Variants in ENTREP2 observed in about 807,000 individuals in gnomAD.
ENTREP2 encodes protein ENTREP2.
the ENTREP2 span, chr15:29,375,207 G>A: frequency 6.6e-6 from 1 of 152,142 alleles, no homozygotes; most frequent in African/African-American, 2.4e-5. Context: ...AAACTCTTCT[G>A]CATGCTGTAT....
At chr15:29,506,006 G>T in the ENTREP2 span, among the ~76,000 whole-genome samples, 1 of 152,034 alleles carries the variant, frequency 6.6e-6, no homozygotes, top group Non-Finnish European at 1.5e-5. Context: ...AGGACGCTAA[G>T]AGCCTTGAAA....
chr15:29,335,044 GC>G, the ENTREP2 span, among the ~76,000 whole-genome samples: 1 of 152,164 alleles, frequency 6.6e-6, no homozygotes, highest in Non-Finnish European at 1.5e-5. Context: ...CAAACGTATG[GC>G]CCCAGCACAG....
the ENTREP2 span, among the ~76,000 whole-genome samples, chr15:29,321,941 A>G: frequency 6.6e-6 from 1 of 151,972 alleles, no homozygotes; most frequent in Non-Finnish European, 1.5e-5. Flanking sequence ...TACCCATGTA[A>G]CCAACCTGCA....
the ENTREP2 span, among the ~76,000 whole-genome samples, chr15:29,587,866 C>T: frequency 1.3e-5 from 2 of 152,194 alleles, no homozygotes; most frequent in Admixed American, 6.5e-5. Flanking sequence ...ACCATGTTGG[C>T]CAGGCTGGTC....
chr15:29,311,539 A>C, the ENTREP2 span, among the ~76,000 whole-genome samples: 1 of 152,152 alleles, frequency 6.6e-6, no homozygotes, highest in Non-Finnish European at 1.5e-5. Flanking sequence ...AAAATACAAA[A>C]ATTAGCAGGG....
At chr15:29,292,752 A>C in the ENTREP2 span, among the ~76,000 whole-genome samples, 1 of 152,174 alleles carries the variant, frequency 6.6e-6, no homozygotes, top group African/African-American at 2.4e-5. Flanking sequence ...GGCTTGGAAA[A>C]TTTATAAGGT....
the ENTREP2 span, among the ~76,000 whole-genome samples, chr15:29,423,516 G>T: frequency 6.6e-6 from 1 of 152,002 alleles, no homozygotes; most frequent in Non-Finnish European, 1.5e-5. Flanking sequence ...GGGCCGGCGC[G>T]GTGGCTCACG....
chr15:29,215,332 A>G, the ENTREP2 span, among the ~76,000 whole-genome samples: 2 of 151,916 alleles, frequency 1.3e-5, no homozygotes, highest in South Asian at 2.1e-4. Flanking sequence ...CCTGGGTGGG[A>G]ACACTCTAAT....
At chr15:29,648,327 T>A in the ENTREP2 span, among the ~76,000 whole-genome samples, 2 of 152,188 alleles carry the variant, frequency 1.3e-5, no homozygotes, top group African/African-American at 2.4e-5. Context: ...TGTCGCACCA[T>A]TAACTCCATG....
chr15:29,414,517 T>C, the ENTREP2 span, among the ~76,000 whole-genome samples: 1 of 152,128 alleles, frequency 6.6e-6, no homozygotes, highest in Non-Finnish European at 1.5e-5. Flanking sequence ...GAGGGAAATT[T>C]ATAGCACTAA....
the ENTREP2 span, among the ~76,000 whole-genome samples, chr15:29,362,200 A>G: frequency 6.6e-6 from 1 of 152,084 alleles, no homozygotes; most frequent in Non-Finnish European, 1.5e-5. Flanking sequence ...AGACAGGGCT[A>G]TGAGAATAAC....
the ENTREP2 span, among the ~76,000 whole-genome samples, chr15:29,321,313 C>T: frequency 6.6e-6 from 1 of 151,972 alleles, no homozygotes; most frequent in African/African-American, 2.4e-5. Context: ...AAGAAGAAAT[C>T]CCACCAACCT....
chr15:29,492,505 A>G, the ENTREP2 span, among the ~76,000 whole-genome samples: 11 of 152,328 alleles, frequency 7.2e-5, no homozygotes, highest in Admixed American at 3.9e-4. Context: ...ATTGTGTTCT[A>G]TAAAACTCTA....
At chr15:29,526,009 A>C in the ENTREP2 span, among the ~76,000 whole-genome samples, 1 of 152,252 alleles carries the variant, frequency 6.6e-6, no homozygotes, top group Non-Finnish European at 1.5e-5. Context: ...AGAATGAGCT[A>C]ATCAATTCTG....
the ENTREP2 span, chr15:29,195,489 A>T: frequency 5.7e-6 from 1 of 175,472 alleles, no homozygotes; most frequent in East Asian, 1.9e-4. Context: ...ACCAACTAAG[A>T]GTTCCTTGGA....
the ENTREP2 span, among the ~76,000 whole-genome samples, chr15:29,348,418 C>T: frequency 2.6e-5 from 4 of 152,086 alleles, no homozygotes; most frequent in Admixed American, 6.6e-5. Context: ...GCTGCAGCTA[C>T]GTGAGGAACA....
the ENTREP2 span, among the ~76,000 whole-genome samples, chr15:29,523,160 A>G: frequency 3.9e-5 from 6 of 152,336 alleles, no homozygotes; most frequent in African/African-American, 1.4e-4. Flanking sequence ...TGCCTGGCTG[A>G]GTAGTAAAGT....
chr15:29,119,940 T>C, the ENTREP2 span, among the ~76,000 whole-genome samples: 3 of 152,318 alleles, frequency 2.0e-5, no homozygotes, highest in East Asian at 5.8e-4. Flanking sequence ...TACACATCTT[T>C]AAAAAACCTG....
the ENTREP2 span, among the ~76,000 whole-genome samples, chr15:29,447,590 GAGT>G: frequency 6.6e-6 from 1 of 151,704 alleles, no homozygotes; most frequent in South Asian, 2.1e-4. Context: ...TCAGCCTCCT[GAGT>G]AGCTGGGACT....
Sources: gnomAD v4.1 joint callset for allele counts (sites outside exome capture counted in the v4.1 genomes callset) on GRCh38, gnomAD v4.1.1 for gene constraint, MANE v1.5 for transcripts, NCBI Gene and HGNC (gene_info 2026-07-23, HGNC 2026-07-21) for gene names.